NR4A3: variants seen among roughly 807,000 people sequenced by gnomAD.
The protein encoded by NR4A3 is chondrosarcoma, extraskeletal myxoid, fused to EWS.
In NR4A3, 13 loss-of-function variants were observed where a neutral mutation model predicts 55.6. That is an observed-to-expected ratio of 0.23 (90% CI 0.15 to 0.37). The LOEUF is 0.37. NR4A3 is among the 10% of genes least tolerant of loss of function. The pLI is 1.00. For missense variants in NR4A3, 646 were observed against 822.8 expected, an observed-to-expected ratio of 0.79 and a Z score of 2.63; for synonymous variants, 342 against 357.9, an observed-to-expected ratio of 0.96 and a Z score of 0.50.
chr9:99,826,856 C>T, intron 2 of NR4A3: 2 of 1,495,470 alleles, frequency 1.3e-6, no homozygotes, highest in Non-Finnish European at 1.9e-6. Context: ...ATTAGTCACA[C>T]CTTTTACACC....
At chr9:99,851,009 G>C (rs1261929385) in intron 7 of NR4A3, among the ~76,000 whole-genome samples, 1 of 152,222 alleles carries the variant, frequency 6.6e-6, no homozygotes, top group Non-Finnish European at 1.5e-5. Flanking sequence ...AAGGAGGATA[G>C]TGATATTAAA....
At chr9:99,823,176 G>A (rs1181739362) in intron 1 of NR4A3, among the ~76,000 whole-genome samples, 2 of 152,164 alleles carry the variant, frequency 1.3e-5, no homozygotes, top group African/African-American at 4.8e-5. Context: ...GTGTGGGAAA[G>A]GCATGCTTTT....
rs766171209 is a variant in NR4A3 at position 99,828,322 on chromosome 9, T to TACCATC, written c.291_296dup (p.His107_His108dup). 3.7e-6 allele frequency: 6 copies of TACCATC among 1,611,000 alleles called. No individual in the cohort carries two copies. Among genetic ancestry groups the TACCATC allele is most frequent in the Middle Eastern group, 1.6e-4 (1 of 6,068 alleles). On this transcript the variant is annotated inframe_insertion, in exon 3 of 8. Coordinates refer to ENST00000395097, the MANE Select transcript of NR4A3 (RefSeq NM_006981.4). This position sits in a 1 kb window ranked among gnomAD's most constrained non-coding sequence, Gnocchi z 7.7. ...AGTGGAGGAGGGGCGGGCGCCCAGCTACCATCACCATCACCACCACCACCA... is the reference window on the plus strand; with the variant it reads ...AGTGGAGGAGGGGCGGGCGCCCAGCTACCATCACCATCACCATCACCACCACCACCA...
chr9:99,836,475 C>G (rs1827561668), intron 5 of NR4A3, among the ~76,000 whole-genome samples: 1 of 152,212 alleles, frequency 6.6e-6, no homozygotes, highest in South Asian at 2.1e-4. Context: ...TCCTGTCAGA[C>G]TGTTCTTCGT....
intron 5 of NR4A3, among the ~76,000 whole-genome samples, chr9:99,837,893 A>G (rs1201840551): frequency 6.6e-6 from 1 of 152,156 alleles, no homozygotes; most frequent in Admixed American, 6.5e-5. Context: ...AGTTTTCTCC[A>G]TTTGTGGGAA....
In NR4A3 at chr9:99,825,730, A is replaced by C. The variant is rs1302107461; in HGVS notation, c.-105A>C. On this transcript the variant is annotated 5_prime_UTR_variant, in exon 2 of 8. Coordinates refer to ENST00000395097, the MANE Select transcript of NR4A3 (RefSeq NM_006981.4). This position sits in a 1 kb window ranked among gnomAD's most constrained non-coding sequence, Gnocchi z 5.0. ...TGGACCCTTAGCGGTGCCGGGCAGC[A>C]CTGCCGGCGCTTCGCCTCGCCGGAC... 1 of 161,678 alleles carries C rather than the reference A, an allele frequency of 6.2e-6. No homozygotes were observed. Among genetic ancestry groups the C allele is most frequent in the Admixed American group, 6.5e-5 (1 of 15,496 alleles). 10.0% of individuals were successfully genotyped at this position (161,678 alleles called of 1,614,324 possible).
intron 6 of NR4A3, 74 bp from the exon 7 acceptor site, chr9:99,847,363 T>A: frequency 1.4e-6 from 2 of 1,419,802 alleles, no homozygotes; most frequent in South Asian, 2.5e-5. Flanking sequence ...TCTGTGTGCC[T>A]GTGTGTCATA....
intron 3 of NR4A3, among the ~76,000 whole-genome samples, chr9:99,830,855 G>A: frequency 6.6e-6 from 1 of 152,160 alleles, no homozygotes. Context: ...ATGGAGAGTT[G>A]ACCAAAATAC....
At chr9:99,843,477 G>A (rs749807229) in intron 5 of NR4A3, among the ~76,000 whole-genome samples, 16 of 152,000 alleles carry the variant, frequency 1.1e-4, no homozygotes, top group Non-Finnish European at 2.2e-4. Flanking sequence ...TTATTTCTGC[G>A]ATTCTCAAAC....
intron 2 of NR4A3, chr9:99,826,913 A>G: frequency 9.2e-7 from 1 of 1,087,746 alleles, no homozygotes; most frequent in Non-Finnish European, 1.4e-6. Context: ...TTTGGCTCAG[A>G]AAAACCAACC....
rs1463619831 is a variant in NR4A3, at chr9:99,864,062, G to A, written c.*195G>A. The A allele has an allele frequency of 8.3e-6, 4 of 482,866 alleles. No individual in the cohort carries two copies. Among genetic ancestry groups the A allele is most frequent in the Admixed American group, 7.2e-5 (2 of 27,662 alleles). The allele number at this position is 482,866 out of a possible 1,614,324, so 29.9% of individuals were successfully genotyped here. On this transcript the variant is annotated 3_prime_UTR_variant, in exon 8 of 8. Transcript: ENST00000395097. The stretch of plus-strand genomic sequence containing the variant: ...AGCCAGAAAACTTGCAGAGTATTGT[G>A]TTGGGGTTGTGTTTTATATTTAGGC...
At chr9:99,851,606 G>T (rs946895136) in intron 7 of NR4A3, among the ~76,000 whole-genome samples, 1 of 151,964 alleles carries the variant, frequency 6.6e-6, no homozygotes, top group African/African-American at 2.4e-5. Flanking sequence ...AAAACTAGGC[G>T]GTGAAGTGGG....
At position 99,864,000 on chromosome 9, in the gene NR4A3, C is replaced by T; in HGVS notation, c.*133C>T. 9.2e-7 allele frequency: 1 copy of T among 1,082,386 alleles called. No homozygotes were observed. The highest frequency in any genetic ancestry group is 2.5e-5 in the East Asian group (1 of 39,856). 67.0% of individuals were successfully genotyped at this position (1,082,386 alleles called of 1,614,324 possible). A position where few individuals can be genotyped will look rare whatever the true frequency, so the allele number is the denominator to read the frequency against. On this transcript the variant is annotated 3_prime_UTR_variant, in exon 8 of 8. Coordinates refer to ENST00000395097, the MANE Select transcript of NR4A3 (RefSeq NM_006981.4). ...AAGCAGCTCCTGTAGAAAGCAAAGACTTTCTTTTTTTTCTGGCTCTTTTCC... is the reference window on the plus strand; with the variant it reads ...AAGCAGCTCCTGTAGAAAGCAAAGATTTTCTTTTTTTTCTGGCTCTTTTCC...
At chr9:99,824,453 C>A (rs1827253706) in intron 1 of NR4A3, among the ~76,000 whole-genome samples, 1 of 152,230 alleles carries the variant, frequency 6.6e-6, no homozygotes, top group African/African-American at 2.4e-5. Context: ...GTGGGAAGAT[C>A]CGCTTCTACC....
At position 99,828,900 on chromosome 9, in the gene NR4A3, G is replaced by T; in HGVS notation, c.858G>T (p.Ser286=). The part of the protein sequence containing the change: ...SLPSPPSRSS[S]SGEGTCAVCG... ...CGTCGCCGCCCAGCAGGAGCTCGTCGTCTGGCGAGGGCACGTGTGCCGTGT... is the reference window on the plus strand; with the variant it reads ...CGTCGCCGCCCAGCAGGAGCTCGTCTTCTGGCGAGGGCACGTGTGCCGTGT... The change falls in exon 3 of 8, where the codon TCG becomes TCT. Residue 286 remains serine, a synonymous_variant. Transcript: ENST00000395097. This position sits in a 1 kb window ranked among gnomAD's most constrained non-coding sequence, Gnocchi z 7.7. 6.6e-7 allele frequency: 1 copy of T among 1,506,718 alleles called. No homozygotes were observed. Among genetic ancestry groups the T allele is most frequent in the South Asian group, 1.2e-5 (1 of 81,048 alleles). The allele number at this position is 1,506,718 out of a possible 1,614,324, so 93.3% of individuals were successfully genotyped here. A position where few individuals can be genotyped will look rare whatever the true frequency, so the allele number is the denominator to read the frequency against.
At chr9:99,840,262 G>A (rs1339326070) in intron 5 of NR4A3, among the ~76,000 whole-genome samples, 1 of 151,692 alleles carries the variant, frequency 6.6e-6, no homozygotes, top group Non-Finnish European at 1.5e-5. Flanking sequence ...CACACAGGGT[G>A]GGCAGGGACT....
At chr9:99,857,376 T>A (rs1222574058) in intron 7 of NR4A3, among the ~76,000 whole-genome samples, 1 of 152,206 alleles carries the variant, frequency 6.6e-6, no homozygotes, top group Non-Finnish European at 1.5e-5. Context: ...ATGCTAGGCA[T>A]GGTTCCAAAT....
At chr9:99,843,013 C>T (rs1290169657) in intron 5 of NR4A3, among the ~76,000 whole-genome samples, 1 of 152,224 alleles carries the variant, frequency 6.6e-6, no homozygotes, top group East Asian at 1.9e-4. Flanking sequence ...CTGTGTATCT[C>T]TTAAATCTCT....
Position 99,827,364 on chromosome 9 carries a change from CGAGTCA to C in NR4A3, c.-2-676_-2-671del, listed in dbSNP as rs149521717. 1.4e-3 allele frequency among the ~76,000 whole-genome samples: 213 copies of C among 151,706 alleles called. 5 individuals carry two copies. The East Asian group carries it at 0.035, about 25-fold the overall frequency. The stretch of plus-strand genomic sequence containing the variant: ...TCTTTGCAGATGGTACAAACTCTCC[CGAGTCA>C]ATTTCCTGGGCCTATGTCCCCACCT... On this transcript the variant is annotated intron_variant, in intron 2 of 7. Transcript: ENST00000395097.
Sources: allele counts gnomAD v4.1 joint callset (sites outside exome capture counted in the v4.1 genomes callset), GRCh38; gene constraint gnomAD v4.1.1; non-coding constraint Gnocchi (gnomAD v3.1); transcripts MANE v1.5; gene names NCBI Gene and HGNC (gene_info 2026-07-23, HGNC 2026-07-21).